The following ACAD11 variants were observed in gnomAD, a reference collection of about 807,000 sequenced individuals.
The protein encoded by ACAD11 is acyl-CoA dehydrogenase family member 11.
A neutral mutation model predicts 102.2 loss-of-function variants in ACAD11; 83 were observed. The observed-to-expected ratio is 0.81, with a 90% CI of 0.68 to 0.97. ACAD11 has a LOEUF of 0.97. Ranked by LOEUF, ACAD11 falls within the 50% of genes least tolerant of loss-of-function variation. The pLI is 0.00. For missense variants in ACAD11, 901 were observed against 951.7 expected (o/e 0.95, Z 0.70); for synonymous variants, 324 against 319.8 (o/e 1.01, Z -0.14).
intron 13 of ACAD11, chr3:132,597,224 A>G (rs1270819884): frequency 6.6e-6 from 1 of 152,226 alleles, no homozygotes; most frequent in Non-Finnish European, 1.5e-5. Context: ...TGGATACAAG[A>G]TAAAGGCGGG....
At chr3:132,588,806 T>C (rs560384205) in intron 13 of ACAD11, among the ~76,000 whole-genome samples, 1 of 152,248 alleles carries the variant, frequency 6.6e-6, no homozygotes, top group Non-Finnish European at 1.5e-5. Flanking sequence ...TTGGCTTTCC[T>C]AATTTATCCA....
intron 13 of ACAD11, among the ~76,000 whole-genome samples, chr3:132,599,710 A>G (rs1160822555): frequency 6.6e-6 from 1 of 152,070 alleles, no homozygotes; most frequent in Non-Finnish European, 1.5e-5. Context: ...ACAAGAATGA[A>G]GCAGGCTTAC....
At chr3:132,644,700 C>A in intron 2 of ACAD11, 97 bp downstream of exon 2, 1 of 499,564 alleles carries the variant, frequency 2.0e-6, no homozygotes, top group Non-Finnish European at 3.5e-6. Flanking sequence ...TATTATTTGG[C>A]AATCATAAGA....
chr3:132,639,998 TCACACA>T (rs539317705), intron 4 of ACAD11, among the ~76,000 whole-genome samples: 159 of 147,146 alleles, frequency 1.1e-3, no homozygotes, highest in African/African-American at 3.7e-3. Context: ...ACACTCTCTC[TCACACA>T]CACACACACA....
At chr3:132,646,133 C>T (rs776428227) in intron 1 of ACAD11, among the ~76,000 whole-genome samples, 7 of 152,170 alleles carry the variant, frequency 4.6e-5, no homozygotes, top group Non-Finnish European at 1.0e-4. Context: ...CCCGCCACCG[C>T]ACCCGGCTAA....
chr3:132,630,870 A>G (rs1471423563), intron 6 of ACAD11, among the ~76,000 whole-genome samples: 1 of 152,208 alleles, frequency 6.6e-6, no homozygotes, highest in East Asian at 1.9e-4. Context: ...CAGGAGCTTA[A>G]AACTAGCCTG....
At chr3:132,611,313 C>G (rs1163505393) in intron 11 of ACAD11, among the ~76,000 whole-genome samples, 1 of 152,000 alleles carries the variant, frequency 6.6e-6, no homozygotes, top group Non-Finnish European at 1.5e-5. Context: ...AAAACTGGCA[C>G]AAGATAGGGA....
intron 14 of ACAD11, 27 bp from the exon 15 acceptor site, chr3:132,578,908 A>G: frequency 6.2e-7 from 1 of 1,610,620 alleles, no homozygotes; most frequent in Non-Finnish European, 8.5e-7. Flanking sequence ...TTGTATTAGA[A>G]AAAGTTTGCT....
At chr3:132,643,952 TGG>T (rs1183521624) in intron 2 of ACAD11, among the ~76,000 whole-genome samples, 1 of 152,090 alleles carries the variant, frequency 6.6e-6, no homozygotes, top group Non-Finnish European at 1.5e-5. Flanking sequence ...AACTGTTTAT[TGG>T]GGCACGGGTG....
chr3:132,652,840 T>C (rs1056585958), intron 1 of ACAD11, among the ~76,000 whole-genome samples: 49 of 151,942 alleles, frequency 3.2e-4, no homozygotes, highest in African/African-American at 1.1e-3. Flanking sequence ...GTAAAGGTAA[T>C]GGGGGAACTC....
chr3:132,647,918 CA>C (rs531341399), intron 1 of ACAD11, among the ~76,000 whole-genome samples: 142 of 152,282 alleles, frequency 9.3e-4, no homozygotes, highest in Middle Eastern at 3.4e-3. Context: ...TCTTTCCTCA[CA>C]TGGTGGAAGG....
At chr3:132,651,025 T>G (rs1940913933) in intron 1 of ACAD11, among the ~76,000 whole-genome samples, 1 of 152,200 alleles carries the variant, frequency 6.6e-6, no homozygotes, top group Non-Finnish European at 1.5e-5. Flanking sequence ...AATAGACCCT[T>G]CACCTCCTTG....
At chr3:132,608,623 G>T (rs1232113295) in intron 11 of ACAD11, among the ~76,000 whole-genome samples, 1 of 152,072 alleles carries the variant, frequency 6.6e-6, no homozygotes, top group Non-Finnish European at 1.5e-5. Flanking sequence ...CCCAAAACAG[G>T]AGCACCTAGA....
intron 5 of ACAD11, among the ~76,000 whole-genome samples, chr3:132,638,336 T>C (rs369194139): frequency 6.6e-6 from 1 of 152,212 alleles, no homozygotes; most frequent in Admixed American, 6.5e-5. Flanking sequence ...CTCTGTACTA[T>C]AACACTGTTA....
At chr3:132,579,721 T>C (rs1182963328) in intron 13 of ACAD11, among the ~76,000 whole-genome samples, 163 bp from the exon 14 acceptor site, 1 of 152,078 alleles carries the variant, frequency 6.6e-6, no homozygotes, top group Non-Finnish European at 1.5e-5. Flanking sequence ...CTCTATATCA[T>C]CCAAGAAAAA....
intron 1 of ACAD11, among the ~76,000 whole-genome samples, chr3:132,653,963 C>A (rs1375873791): frequency 6.6e-6 from 1 of 152,172 alleles, no homozygotes; most frequent in Non-Finnish European, 1.5e-5. Context: ...TCTGCCCCGA[C>A]CTCAAGACAT....
intron 11 of ACAD11, among the ~76,000 whole-genome samples, chr3:132,610,031 A>C (rs528898881): frequency 6.6e-6 from 1 of 152,314 alleles, no homozygotes; most frequent in East Asian, 1.9e-4. Context: ...CAAAAACCAC[A>C]TGATTATCTC....
intron 13 of ACAD11, among the ~76,000 whole-genome samples, chr3:132,580,184 C>T (rs1937578096): frequency 6.6e-6 from 1 of 151,888 alleles, no homozygotes; most frequent in Non-Finnish European, 1.5e-5. Context: ...TGTACAAAGT[C>T]TCAAACAAAT....
At chr3:132,632,303 T>G (rs2107867849) in intron 5 of ACAD11, among the ~76,000 whole-genome samples, 1 of 152,234 alleles carries the variant, frequency 6.6e-6, no homozygotes, top group Admixed American at 6.5e-5. Flanking sequence ...GCCAGGATGG[T>G]CTCGACCTCC....
Sources: gnomAD v4.1 joint callset for allele counts (sites outside exome capture counted in the v4.1 genomes callset) on GRCh38, gnomAD v4.1.1 for gene constraint, MANE v1.5 for transcripts, NCBI Gene and HGNC (gene_info 2026-07-23, HGNC 2026-07-21) for gene names.